Variants in SYT1 observed in about 807,000 individuals in gnomAD.
SYT1 encodes the protein synaptotagmin 1.
In SYT1, 8 loss-of-function variants were observed where a neutral mutation model predicts 44.8. That is an observed-to-expected ratio of 0.18 (90% CI 0.10 to 0.32). SYT1 has a LOEUF of 0.32. Ranked by LOEUF, SYT1 falls within the 10% of genes least tolerant of loss-of-function variation. The pLI, the probability that SYT1 is intolerant of heterozygous loss-of-function variation, is 1.00. For synonymous variants in SYT1, 154 were observed against 188.8 expected (o/e 0.82, Z 1.51); for missense variants, 286 against 509.3 (o/e 0.56, Z 4.22).
In SYT1 at chr12:78,911,566, C is replaced by CA. The variant is rs1301418016; in HGVS notation, c.-217+46467dup. Among the ~76,000 whole-genome samples, 712 of 144,088 alleles carry CA rather than the reference C, an allele frequency of 4.9e-3. 5 individuals carry two copies. Among genetic ancestry groups the CA allele is most frequent in the African/African-American group, 0.015 (604 of 39,196 alleles). 94.5% of individuals were successfully genotyped at this position (144,088 alleles called of 152,430 possible). ...TTAAGAGTGAGAGAAGATGCTGTAT[C>CA]AAAAAAAAAACAGTCTCCTTTGAGA... On this transcript the variant is annotated intron_variant, in intron 1 of 10. Transcript: ENST00000261205.
intron 3 of SYT1, among the ~76,000 whole-genome samples, chr12:79,074,278 G>C (rs1474035361): frequency 6.6e-6 from 1 of 152,062 alleles, no homozygotes; most frequent in African/African-American, 2.4e-5. Context: ...CACTCCTGCA[G>C]CCCTCATCTC....
intron 3 of SYT1, among the ~76,000 whole-genome samples, chr12:79,065,345 T>C (rs2137870163): frequency 6.6e-6 from 1 of 152,208 alleles, no homozygotes; most frequent in African/African-American, 2.4e-5. Context: ...GAGCCTTTAG[T>C]GTGCCACTGC....
intron 3 of SYT1, among the ~76,000 whole-genome samples, chr12:79,160,928 T>C (rs879666930): frequency 2.0e-5 from 3 of 152,106 alleles, no homozygotes; most frequent in Non-Finnish European, 2.9e-5. Context: ...TTTATGATAG[T>C]GGTCCATAAA....
intron 4 of SYT1, among the ~76,000 whole-genome samples, chr12:79,269,298 C>T (rs1009259781): frequency 3.3e-5 from 5 of 152,134 alleles, no homozygotes; most frequent in African/African-American, 1.2e-4. Context: ...ATATCTTGCC[C>T]TTCTCTAACC....
Position 79,308,551 on chromosome 12 carries a change from A to AGAAAGAAAG in SYT1, c.810+9000_810+9001insGAAAGAAAG, listed in dbSNP as rs1555216036. On this transcript the variant is annotated intron_variant, in intron 8 of 10. Transcript: ENST00000261205. ...AAGAAATAAAGAAAGAAAGAAAGAA[A>AGAAAGAAAG]AAAGAAAGAAAGGAAAAGAAAGAAA... is the stretch of plus-strand genomic sequence containing the variant. 2.8e-4 allele frequency among the ~76,000 whole-genome samples: 41 copies of AGAAAGAAAG among 148,976 alleles called. 1 individual carries two copies. Among genetic ancestry groups the AGAAAGAAAG allele is most frequent in the African/African-American group, 1.0e-3 (40 of 38,954 alleles).
intron 4 of SYT1, among the ~76,000 whole-genome samples, chr12:79,272,666 A>C (rs1357323845): frequency 6.6e-6 from 1 of 152,184 alleles, no homozygotes; most frequent in Non-Finnish European, 1.5e-5. Context: ...TAACTGAACG[A>C]GTAGTGAGGC....
At chr12:79,014,015 C>T (rs1348169549) in intron 2 of SYT1, among the ~76,000 whole-genome samples, 2 of 149,206 alleles carry the variant, frequency 1.3e-5, no homozygotes, top group South Asian at 2.1e-4. Flanking sequence ...AGTCCCAGTA[C>T]TCGGGATCAT....
chr12:79,238,008 C>T (rs923059079), intron 4 of SYT1, among the ~76,000 whole-genome samples: 8 of 152,172 alleles, frequency 5.3e-5, no homozygotes. Context: ...GAGATAACCT[C>T]TAGACTGTGC....
intron 3 of SYT1, among the ~76,000 whole-genome samples, chr12:79,162,588 G>A (rs1278921553): frequency 1.3e-5 from 2 of 152,052 alleles, no homozygotes; most frequent in East Asian, 3.9e-4. Flanking sequence ...TTTGTGCTGA[G>A]CACTATATGC....
intron 4 of SYT1, among the ~76,000 whole-genome samples, chr12:79,271,447 A>G (rs1878421945): frequency 6.6e-6 from 1 of 152,150 alleles, no homozygotes; most frequent in African/African-American, 2.4e-5. Flanking sequence ...CATTTGAAAA[A>G]TGTACCGTAT....
At position 79,218,873 on chromosome 12, in the gene SYT1, A is replaced by C. The variant is rs1324838403; in HGVS notation, c.166+1188A>C. Reference sequence around the variant, plus strand: ...ATATTGATTTCATTTCTTTGGATACATACCGGGTAGTAGGATTGCTGGATC... The same window carrying C: ...ATATTGATTTCATTTCTTTGGATACCTACCGGGTAGTAGGATTGCTGGATC... On this transcript the variant is annotated intron_variant, in intron 4 of 10. Coordinates refer to ENST00000261205, the MANE Select transcript of SYT1 (RefSeq NM_005639.3). 4.6e-5 allele frequency among the ~76,000 whole-genome samples: 7 copies of C among 152,278 alleles called. 1 individual carries two copies. The highest frequency in any genetic ancestry group is 1.4e-4 in the African/African-American group (6 of 41,574).
At chr12:78,941,065 C>CTTTTTTTTTTTTTTTTTTTTTTTTCT (rs398044555) in intron 1 of SYT1, among the ~76,000 whole-genome samples, 1 of 68,440 alleles carries the variant, frequency 1.5e-5, no homozygotes, top group Non-Finnish European at 2.9e-5. Flanking sequence ...CTTTTTTTTT[C>CTTTTTTTTTTTTTTTTTTTTTTTTCT]TTTTTTTTTT....
chr12:79,357,186 T>C (rs1161431858), intron 9 of SYT1, among the ~76,000 whole-genome samples: 1 of 152,246 alleles, frequency 6.6e-6, no homozygotes, highest in African/African-American at 2.4e-5. Flanking sequence ...TTGGCCTCTA[T>C]TGTATATCCA....
At chr12:79,313,844 AACAATACTTG>A (rs1195967748) in intron 8 of SYT1, among the ~76,000 whole-genome samples, 2 of 152,122 alleles carry the variant, frequency 1.3e-5, no homozygotes, top group African/African-American at 4.8e-5. Context: ...AAGCACTTAG[AACAATACTTG>A]GCACCAGAGA....
chr12:78,961,144 G>T (rs1243943244), intron 1 of SYT1, among the ~76,000 whole-genome samples: 1 of 151,334 alleles, frequency 6.6e-6, no homozygotes, highest in Non-Finnish European at 1.5e-5. Flanking sequence ...TTCTCACTTT[G>T]TCATGCAGCC....
At position 79,204,164 on chromosome 12, in the gene SYT1, A is replaced by G. The variant is rs191140514; in HGVS notation, c.-17-13339A>G. Among the ~76,000 whole-genome samples, 22 of 152,366 alleles carry G rather than the reference A, an allele frequency of 1.4e-4. No homozygotes were observed. The East Asian group carries it at 3.3e-3, about 23-fold the overall frequency. On this transcript the variant is annotated intron_variant, in intron 3 of 10. Transcript: ENST00000261205. Reference sequence around the variant, plus strand: ...GACTCATGAGGTTTATTTTGTGAGCATTATATGAGCTTAGATGTTTAAAGC... The same window carrying G: ...GACTCATGAGGTTTATTTTGTGAGCGTTATATGAGCTTAGATGTTTAAAGC...
intron 3 of SYT1, among the ~76,000 whole-genome samples, chr12:79,202,081 G>C (rs1873821531): frequency 6.6e-6 from 1 of 152,072 alleles, no homozygotes; most frequent in Non-Finnish European, 1.5e-5. Flanking sequence ...CAGCATGCCT[G>C]TTTATCATGT....
intron 3 of SYT1, among the ~76,000 whole-genome samples, chr12:79,119,585 C>A (rs1162738190): frequency 6.6e-6 from 1 of 152,036 alleles, no homozygotes; most frequent in Non-Finnish European, 1.5e-5. Context: ...CAGTAAATGT[C>A]ACTATCACCA....
chr12:78,882,635 G>A (rs1214336308), intron 1 of SYT1, among the ~76,000 whole-genome samples: 1 of 151,672 alleles, frequency 6.6e-6, no homozygotes, highest in African/African-American at 2.4e-5. Context: ...AAATATTTCG[G>A]TAAACCCTAA....
Sources: gnomAD v4.1 joint callset for allele counts (sites outside exome capture counted in the v4.1 genomes callset) on GRCh38, gnomAD v4.1.1 for gene constraint, MANE v1.5 for transcripts, NCBI Gene and HGNC (gene_info 2026-07-23, HGNC 2026-07-21) for gene names.